Variants in RIMBP2 observed in about 807,000 individuals in gnomAD.
RIMBP2 encodes RIMS-binding protein 2.
A neutral mutation model predicts 118.6 loss-of-function variants in RIMBP2; 48 were observed. The observed-to-expected ratio is 0.40, with a 90% CI of 0.32 to 0.51. RIMBP2 has a LOEUF of 0.51. Ranked by LOEUF, RIMBP2 falls within the 20% of genes least tolerant of loss-of-function variation. The pLI is 0.41. For synonymous variants in RIMBP2, 762 were observed against 742.9 expected, an observed-to-expected ratio of 1.03 and a Z score of -0.42; for missense variants, 1,551 against 1,768.3, an observed-to-expected ratio of 0.88 and a Z score of 2.20.
Position 130,584,899 on chromosome 12 carries a change from C to CT in RIMBP2, c.-217+43422dup, listed in dbSNP as rs1226460489. ...TTTTATTTATTAAAGTTGTTCCATT[C>CT]TTTTTTTTTGAGACAGAGTCTTGCT... On this transcript the variant is annotated intron_variant, in intron 2 of 22. Transcript: ENST00000690449. Among the ~76,000 whole-genome samples the CT allele has an allele frequency of 2.4e-3, 304 of 126,416 alleles. 2 individuals are homozygous for CT. The highest frequency in any genetic ancestry group is 7.2e-3 in the African/African-American group (281 of 39,084). 82.9% of individuals were successfully genotyped at this position (126,416 alleles called of 152,430 possible). A position where few individuals can be genotyped will look rare whatever the true frequency, so the allele number is the denominator to read the frequency against.
intron 17 of RIMBP2, among the ~76,000 whole-genome samples, chr12:130,418,271 A>G (rs2076215890): frequency 6.6e-6 from 1 of 152,250 alleles, no homozygotes; most frequent in Non-Finnish European, 1.5e-5. Context: ...CCTTTTCCAC[A>G]GCAGCCTTCA....
chr12:130,442,014 G>T lies in RIMBP2; in HGVS notation c.1338C>A (p.Phe446Leu), dbSNP rs140257980. Residue 446 changes from phenylalanine to leucine, a missense_variant, in exon 11 of 23, where the codon TTC (phenylalanine) becomes TTA (leucine). Coordinates refer to ENST00000690449, the MANE Select transcript of RIMBP2 (RefSeq NM_001393629.1). The surrounding 1 kb of genome is among the most constrained non-coding windows in gnomAD (Gnocchi z 6.9). Reference sequence around the variant, plus strand: ...TGTACCTGGCGGCCTTGACGATGTCGAACTCCTCCTCGTTGAGGAAGATGA... The same window carrying T: ...TGTACCTGGCGGCCTTGACGATGTCTAACTCCTCCTCGTTGAGGAAGATGA... Reference protein sequence around the residue: ...SHVIFLNEEEFDIVKAARYKY... With the variant: ...SHVIFLNEEELDIVKAARYKY... 2 of 1,613,996 alleles carry T rather than the reference G, an allele frequency of 1.2e-6. No individual in the cohort carries two copies. Among genetic ancestry groups the T allele is most frequent in the Non-Finnish European group, 1.7e-6 (2 of 1,180,036 alleles).
In RIMBP2 at chr12:130,445,207, T is replaced by C; in HGVS notation, c.644A>G (p.Lys215Arg). 1 of 1,613,364 alleles carries C rather than the reference T, an allele frequency of 6.2e-7. No homozygotes were observed. Among genetic ancestry groups the C allele is most frequent in the Non-Finnish European group, 8.5e-7 (1 of 1,179,706 alleles). The stretch of plus-strand genomic sequence containing the variant: ...CATGTCTCCATAGACGTAGAGGTAT[T>C]TTCCCGCCGTGAGGGGCAGCTCAGC... The part of the protein sequence containing the change: ...PEAELPLTAG[K>R]YLYVYGDMDE... The change falls in exon 10 of 23, where the codon AAA (lysine) becomes AGA (arginine). Residue 215 changes from lysine (K) to arginine (R), a missense_variant. Coordinates refer to ENST00000690449, the MANE Select transcript of RIMBP2 (RefSeq NM_001393629.1).
intron 1 of RIMBP2, among the ~76,000 whole-genome samples, chr12:130,671,910 A>G (rs1030735553): frequency 6.6e-6 from 1 of 152,230 alleles, no homozygotes; most frequent in African/African-American, 2.4e-5. Flanking sequence ...CAAAAACAAA[A>G]TTATTTTCAT....
Position 130,428,189 on chromosome 12 carries a change from T to C in RIMBP2, c.2402A>G (p.Asn801Ser), listed in dbSNP as rs768729882. Residue 801 changes from asparagine (N) to serine (S), a missense_variant, in exon 15 of 23, where the codon AAT (asparagine) becomes AGT (serine). By Grantham distance (46) the Asn-to-Ser change is conservative. Transcript: ENST00000690449. ...TCCCCAGCCACTCACCTTGAGGGCA[T>C]TGTGGGACGTGCCGCTGGGCCGCCT... Reference protein sequence around the residue: ...GRRRPSGTSHNALKDCTDHRT... With the variant: ...GRRRPSGTSHSALKDCTDHRT... 1.9e-6 allele frequency: 3 copies of C among 1,609,410 alleles called. No individual in the cohort carries two copies. Among genetic ancestry groups the C allele is most frequent in the South Asian group, 1.1e-5 (1 of 89,986 alleles).
chr12:130,455,222 T>C (rs1017367675), intron 7 of RIMBP2, among the ~76,000 whole-genome samples: 2 of 152,240 alleles, frequency 1.3e-5, no homozygotes, highest in Non-Finnish European at 2.9e-5. Flanking sequence ...GGAAACCGTC[T>C]TGTTTTCCTC....
rs969753384 is a variant in RIMBP2 at position 130,632,681 on chromosome 12, T to TA, written c.-351-4226dup. Among the ~76,000 whole-genome samples, 3 of 152,242 alleles carry TA rather than the reference T, an allele frequency of 2.0e-5. 1 individual carries two copies. On this transcript the variant is annotated intron_variant, in intron 1 of 22. Coordinates refer to ENST00000690449, the MANE Select transcript of RIMBP2 (RefSeq NM_001393629.1). ...AGAGCTTGCTAATGATGATAGGGCA[T>TA]AAAAAACTACTCTGTATGGTTACAT...
intron 1 of RIMBP2, among the ~76,000 whole-genome samples, chr12:130,713,286 T>C (rs1479881447): frequency 7.7e-6 from 1 of 129,070 alleles, no homozygotes; most frequent in African/African-American, 3.2e-5. Context: ...CTGAGGAGTA[T>C]GGTTCAGTGA....
chr12:130,603,440 T>C (rs1450736684), intron 2 of RIMBP2, among the ~76,000 whole-genome samples: 3 of 151,852 alleles, frequency 2.0e-5, no homozygotes, highest in Non-Finnish European at 2.9e-5. Flanking sequence ...AATAGAGAAA[T>C]GGATAAGGAA....
intron 1 of RIMBP2, among the ~76,000 whole-genome samples, chr12:130,632,916 C>A (rs1566406810): frequency 6.6e-6 from 1 of 152,156 alleles, no homozygotes; most frequent in Non-Finnish European, 1.5e-5. Flanking sequence ...TGCCGTGGAA[C>A]ACCAGGACAC....
At chr12:130,685,000 T>A (rs968023515) in intron 1 of RIMBP2, among the ~76,000 whole-genome samples, 1 of 152,194 alleles carries the variant, frequency 6.6e-6, no homozygotes, top group Admixed American at 6.5e-5. Flanking sequence ...CTAGTAACAT[T>A]TTTGTCAACA....
At chr12:130,626,952 C>T (rs1172207884) in intron 2 of RIMBP2, among the ~76,000 whole-genome samples, 1 of 151,716 alleles carries the variant, frequency 6.6e-6, no homozygotes, top group Admixed American at 6.6e-5. Context: ...CCACCATTAT[C>T]ACCACGACTA....
chr12:130,446,797 C>T lies in RIMBP2; in HGVS notation c.582-1528G>A, dbSNP rs1222068288. ...CCAGGGAGCGACAGGATCATGTTTG[C>T]GTTTTACAAAGAGACCTCGTGGGTG... On this transcript the variant is annotated intron_variant, in intron 9 of 22. Coordinates refer to ENST00000690449, the MANE Select transcript of RIMBP2 (RefSeq NM_001393629.1). The surrounding 1 kb of genome is among the most constrained non-coding windows in gnomAD (Gnocchi z 4.1). Among the ~76,000 whole-genome samples, 1 of 152,122 alleles carries T rather than the reference C, an allele frequency of 6.6e-6. No homozygotes were observed. The highest frequency in any genetic ancestry group is 1.9e-4 in the East Asian group (1 of 5,188).
intron 1 of RIMBP2, among the ~76,000 whole-genome samples, chr12:130,646,073 ACCTCCCTCACCACTTCCCTCT>A (rs1225251929): frequency 5.8e-5 from 8 of 138,108 alleles, no homozygotes; most frequent in East Asian, 2.1e-4. Flanking sequence ...CTGCCTCTCC[ACCTCCCTCACCACTTCCCTCT>A]CCACCTCCCT....
intron 3 of RIMBP2, among the ~76,000 whole-genome samples, chr12:130,512,229 G>A (rs1030557237): frequency 2.0e-5 from 3 of 152,166 alleles, no homozygotes; most frequent in Admixed American, 6.5e-5. Flanking sequence ...TTGGTGGATG[G>A]GTCCTTGGTT....
At chr12:130,711,933 G>C (rs778961306) in intron 1 of RIMBP2, among the ~76,000 whole-genome samples, 2 of 152,270 alleles carry the variant, frequency 1.3e-5, no homozygotes, top group Non-Finnish European at 2.9e-5. Context: ...TTTCACAGCT[G>C]TGCAGCCCGT....
At chr12:130,529,785 C>T (rs1464672258) in intron 2 of RIMBP2, among the ~76,000 whole-genome samples, 1 of 152,146 alleles carries the variant, frequency 6.6e-6, no homozygotes, top group Non-Finnish European at 1.5e-5. Flanking sequence ...TGGGATGAAA[C>T]TTCTATCTCA....
At chr12:130,587,424 C>A (rs2058967770) in intron 2 of RIMBP2, among the ~76,000 whole-genome samples, 1 of 77,108 alleles carries the variant, frequency 1.3e-5, no homozygotes, top group African/African-American at 5.2e-5. Context: ...GACTTGGAAC[C>A]AACCCAAATG....
chr12:130,702,391 C>A (rs2065895560), intron 1 of RIMBP2, among the ~76,000 whole-genome samples: 2 of 152,016 alleles, frequency 1.3e-5, no homozygotes, highest in South Asian at 4.2e-4. Flanking sequence ...TGGCACATGC[C>A]CGTAATCCCA....
Sources: allele counts gnomAD v4.1 joint callset (sites outside exome capture counted in the v4.1 genomes callset), GRCh38; gene constraint gnomAD v4.1.1; non-coding constraint Gnocchi (gnomAD v3.1); transcripts MANE v1.5; gene names NCBI Gene and HGNC (gene_info 2026-07-23, HGNC 2026-07-21).